Variants in TRPV5 observed in about 807,000 individuals in gnomAD.
TRPV5 encodes transient receptor potential cation channel subfamily V member 5.
A neutral mutation model predicts 74.1 loss-of-function variants in TRPV5; 66 were observed. The observed-to-expected ratio is 0.89, with a 90% CI of 0.73 to 1.09. TRPV5 has a LOEUF of 1.09. Among genes scored for constraint, TRPV5 ranks in the 50% least tolerant of loss-of-function variants. TRPV5 has a pLI of 0.00. For synonymous variants in TRPV5, 399 were observed against 360.7 expected, an observed-to-expected ratio of 1.11 and a Z score of -1.20; for missense variants, 936 against 930.4, an observed-to-expected ratio of 1.01 and a Z score of -0.08.
At chr7:142,917,241 A>G (rs529124136) in intron 8 of TRPV5, among the ~76,000 whole-genome samples, 2 of 151,870 alleles carry the variant, frequency 1.3e-5, no homozygotes, top group African/African-American at 4.8e-5. Context: ...AAACATGCCA[A>G]CTCCTTCACA....
At chr7:142,913,588 A>G (rs527543592) in intron 12 of TRPV5, among the ~76,000 whole-genome samples, 1 of 152,310 alleles carries the variant, frequency 6.6e-6, no homozygotes, top group African/African-American at 2.4e-5. Flanking sequence ...AGGGTACATA[A>G]GGGCTTGGGG....
chr7:142,909,722 G>T, intron 13 of TRPV5, 126 bp from the exon 14 acceptor site: 1 of 963,484 alleles, frequency 1.0e-6, no homozygotes. Context: ...TCAGTGGTGA[G>T]AACAGCCACC....
rs895488104 is a variant in TRPV5, at chr7:142,926,971, T to A, written c.909+1117A>T. The stretch of plus-strand genomic sequence containing the variant: ...TGGCAGATACAAAACAGAAACTACA[T>A]CTTGGCACTCTCATGGAACGTTCTG... On this transcript the variant is annotated intron_variant, in intron 7 of 14. Transcript: ENST00000265310. 5.9e-5 allele frequency among the ~76,000 whole-genome samples: 9 copies of A among 152,208 alleles called. 1 individual carries two copies. The highest frequency in any genetic ancestry group is 4.6e-4 in the Admixed American group (7 of 15,284).
intron 9 of TRPV5, 44 bp from the exon 10 acceptor site, chr7:142,915,427 T>C: frequency 1.9e-6 from 3 of 1,611,426 alleles, no homozygotes; most frequent in Non-Finnish European, 2.5e-6. Context: ...TGGACTGCGG[T>C]ACAGTCTGGG....
chr7:142,931,875 T>C (rs189029862), intron 1 of TRPV5, among the ~76,000 whole-genome samples: 3 of 152,190 alleles, frequency 2.0e-5, no homozygotes, highest in Non-Finnish European at 2.9e-5. Flanking sequence ...CTAGTTTTTT[T>C]ATTTTTGGTA....
Position 142,912,624 on chromosome 7 carries a change from A to C in TRPV5, c.1646T>G (p.Val549Gly), listed in dbSNP as rs759755824. Residue 549 changes from valine to glycine, a missense_variant, in exon 13 of 15, where the codon GTG becomes GGG. By Grantham distance (109) the Val-to-Gly change is moderately radical. Transcript: ENST00000265310. ...TVIDAPANYDVDLPFMFSIVN... is the reference protein window; with the variant it reads ...TVIDAPANYDGDLPFMFSIVN... Reference sequence around the variant, plus strand: ...AATGCTGAACATGAAGGGCAAGTCCACGTCGTAGTTGGCAGGTGCATCAAT... The same window carrying C: ...AATGCTGAACATGAAGGGCAAGTCCCCGTCGTAGTTGGCAGGTGCATCAAT... 6 of 1,614,138 alleles carry C rather than the reference A, an allele frequency of 3.7e-6. No homozygotes were observed. The Admixed American group carries it at 8.3e-5, about 22-fold the overall frequency.
At chr7:142,915,264 T>G in intron 10 of TRPV5, 43 bp downstream of exon 10, 2 of 1,602,714 alleles carry the variant, frequency 1.2e-6, no homozygotes, top group South Asian at 2.2e-5. Flanking sequence ...AGGAAAAGAT[T>G]CTGGTAAGGA....
intron 8 of TRPV5, among the ~76,000 whole-genome samples, chr7:142,922,756 G>C (rs1431983387): frequency 6.6e-6 from 1 of 152,138 alleles, no homozygotes; most frequent in Admixed American, 6.6e-5. Flanking sequence ...AAACCTAAGA[G>C]AACTAGTACT....
intron 8 of TRPV5, 129 bp downstream of exon 8, chr7:142,925,399 AC>A (rs1795966567): frequency 2.3e-6 from 2 of 858,020 alleles, no homozygotes; most frequent in Non-Finnish European, 3.7e-6. Flanking sequence ...TCTAATTTCT[AC>A]CTGGGTGTTT....
chr7:142,922,166 A>G (rs770991881), intron 8 of TRPV5, among the ~76,000 whole-genome samples: 4 of 152,232 alleles, frequency 2.6e-5, no homozygotes, highest in Non-Finnish European at 5.9e-5. Context: ...GAAAGCAGAC[A>G]TCATGTGTGT....
chr7:142,909,537 G>T lies in TRPV5; in HGVS notation c.1848C>A (p.Ser616=). The change falls in exon 14 of 15, where the codon TCC becomes TCA. Residue 616 remains serine (S), a synonymous_variant. Coordinates refer to ENST00000265310, the MANE Select transcript of TRPV5 (RefSeq NM_019841.7). ...RKLPRCLWPR[S]GICGCEFGLG... is the part of the protein sequence containing the mutation. ...GCCCGAATTCGCACCCACAGATCCC[G>T]GAGCGAGGCCACAGGCAGCGAGGCA... 1 of 1,614,066 alleles carries T rather than the reference G, an allele frequency of 6.2e-7. No individual in the cohort carries two copies. Among genetic ancestry groups the T allele is most frequent in the Non-Finnish European group, 8.5e-7 (1 of 1,180,018 alleles).
chr7:142,933,636 G>T lies in TRPV5; in HGVS notation c.-177C>A. On this transcript the variant is annotated 5_prime_UTR_variant, in exon 1 of 15. Transcript: ENST00000265310. ...AGGTGTGTGTGTGTGCATGCAGTAT[G>T]TGGGTTGTGGGGTGTGCGTGTATGC... 1.3e-6 allele frequency: 1 copy of T among 789,762 alleles called. No individual in the cohort carries two copies. Among genetic ancestry groups the T allele is most frequent in the Non-Finnish European group, 2.0e-6 (1 of 500,232 alleles). The allele number at this position is 789,762 out of a possible 1,614,324, so 48.9% of individuals were successfully genotyped here.
At chr7:142,924,229 CAT>C (rs111708505) in intron 8 of TRPV5, among the ~76,000 whole-genome samples, 372 of 123,180 alleles carry the variant, frequency 3.0e-3, no homozygotes, top group African/African-American at 0.011. Context: ...TATATATATA[CAT>C]ATATATATAT....
chr7:142,924,503 C>T (rs1795952453), intron 8 of TRPV5, among the ~76,000 whole-genome samples: 1 of 151,180 alleles, frequency 6.6e-6, no homozygotes, highest in African/African-American at 2.4e-5. Flanking sequence ...CTGTGCATAT[C>T]GCTGTCTTTG....
At chr7:142,929,191 T>A (rs1302195186) in intron 4 of TRPV5, 71 bp from the exon 5 acceptor site, 2 of 1,564,318 alleles carry the variant, frequency 1.3e-6, no homozygotes, top group Non-Finnish European at 1.7e-6. Flanking sequence ...CTCCCCCAAA[T>A]AAGGGCCTCC....
Position 142,933,716 on chromosome 7 carries a change from T to A in TRPV5, c.-257A>T, listed in dbSNP as rs4252369. On this transcript the variant is annotated 5_prime_UTR_variant, in exon 1 of 15. Transcript: ENST00000265310. Reference sequence around the variant, plus strand: ...CATGCAGTGTGTGGTTGTGAGGTGGTGTGTGTGCATGCAGGTGCGCTGAGG... The same window carrying A: ...CATGCAGTGTGTGGTTGTGAGGTGGAGTGTGTGCATGCAGGTGCGCTGAGG... The A allele has an allele frequency of 2.1e-6, 1 of 480,964 alleles. No homozygotes were observed. Among genetic ancestry groups the A allele is most frequent in the South Asian group, 3.2e-5 (1 of 30,990 alleles). The allele number at this position is 480,964 out of a possible 1,614,324, so 29.8% of individuals were successfully genotyped here. A position where few individuals can be genotyped will look rare whatever the true frequency, so the allele number is the denominator to read the frequency against.
intron 1 of TRPV5, among the ~76,000 whole-genome samples, chr7:142,930,736 T>G (rs1796075700): frequency 6.6e-6 from 1 of 151,926 alleles, no homozygotes; most frequent in Admixed American, 6.6e-5. Flanking sequence ...CTGGAAAGAG[T>G]GGTCTGAGAG....
Position 142,912,760 on chromosome 7 carries a change from C to T in TRPV5, c.1520-10G>A. 1 of 1,610,624 alleles carries T rather than the reference C, an allele frequency of 6.2e-7. No homozygotes were observed. The highest frequency in any genetic ancestry group is 1.1e-5 in the South Asian group (1 of 90,946). Reference sequence around the variant, plus strand: ...AAAATGATATAGAACGCTGCTCCGCCCAGGAAGAGGACATGGAGATGGGAT... The same window carrying T: ...AAAATGATATAGAACGCTGCTCCGCTCAGGAAGAGGACATGGAGATGGGAT... On this transcript the variant is annotated splice_polypyrimidine_tract_variant and intron_variant, in intron 12 of 14. Transcript: ENST00000265310.
At chr7:142,927,091 G>A (rs189368920) in intron 7 of TRPV5, among the ~76,000 whole-genome samples, 1 of 151,942 alleles carries the variant, frequency 6.6e-6, no homozygotes, top group African/African-American at 2.4e-5. Flanking sequence ...TGGTCTATAC[G>A]TTGCTCCCTC....
Sources: allele counts gnomAD v4.1 joint callset (sites outside exome capture counted in the v4.1 genomes callset), GRCh38; gene constraint gnomAD v4.1.1; transcripts MANE v1.5; gene names NCBI Gene and HGNC (gene_info 2026-07-23, HGNC 2026-07-21).